RAB3GAP2: variants seen among roughly 807,000 people sequenced by gnomAD.
The protein encoded by RAB3GAP2 is RAB3 GTPase activating non-catalytic protein subunit 2.
Under a neutral mutation model 185.3 loss-of-function variants are expected in RAB3GAP2, and 87 were observed. That is an observed-to-expected ratio of 0.47 (90% CI 0.39 to 0.56). The LOEUF (loss-of-function observed/expected upper bound fraction) is 0.56. RAB3GAP2 is among the 20% of genes least tolerant of loss of function. The probability of loss-of-function intolerance (pLI) is 0.00; values close to 1 mark genes in which losing one functional copy is unlikely to be tolerated. For synonymous variants in RAB3GAP2, 554 were observed against 576.1 expected (o/e 0.96, Z 0.55); for missense variants, 1,492 against 1,638.2 (o/e 0.91, Z 1.54).
chr1:220,174,356 C>T (rs1658247483), intron 21 of RAB3GAP2, among the ~76,000 whole-genome samples: 1 of 152,090 alleles, frequency 6.6e-6, no homozygotes. Flanking sequence ...TACCAGCTCC[C>T]TTTTTACCTC....
chr1:220,227,175 T>C (rs146127036), intron 2 of RAB3GAP2, among the ~76,000 whole-genome samples: 31 of 152,362 alleles, frequency 2.0e-4, no homozygotes, highest in African/African-American at 6.5e-4. Context: ...CAGAAAGATG[T>C]TGGTCTTCTG....
intron 21 of RAB3GAP2, among the ~76,000 whole-genome samples, chr1:220,176,129 G>A (rs1658284477): frequency 6.6e-6 from 1 of 152,102 alleles, no homozygotes; most frequent in Non-Finnish European, 1.5e-5. Context: ...AGAGTCTAGT[G>A]TATAAAGGTA....
chr1:220,202,135 T>C (rs1376163851), intron 9 of RAB3GAP2, 141 bp downstream of exon 9: 1 of 908,466 alleles, frequency 1.1e-6, no homozygotes, highest in Non-Finnish European at 1.5e-6. Flanking sequence ...ACTGCACTCC[T>C]GCCTGGGTGA....
chr1:220,227,676 A>G (rs995840878), intron 2 of RAB3GAP2, among the ~76,000 whole-genome samples: 3 of 152,184 alleles, frequency 2.0e-5, no homozygotes, highest in Admixed American at 2.0e-4. Context: ...ATGCAGAAGA[A>G]AAGTTTACCC....
intron 1 of RAB3GAP2, chr1:220,267,636 T>C: frequency 7.0e-7 from 1 of 1,438,268 alleles, no homozygotes; most frequent in Non-Finnish European, 9.8e-7. Flanking sequence ...GTTTTGGGTG[T>C]TATTCAGTGG....
At chr1:220,211,105 T>A in intron 4 of RAB3GAP2, 103 bp from the exon 5 acceptor site, 5 of 1,124,784 alleles carry the variant, frequency 4.4e-6, no homozygotes, top group Non-Finnish European at 6.6e-6. Context: ...AGATGACTTC[T>A]GTGAACCAGT....
At chr1:220,200,537 C>CT (rs765567067) in intron 9 of RAB3GAP2, 2 of 524,868 alleles carry the variant, frequency 3.8e-6, no homozygotes, top group Admixed American at 4.0e-5. Context: ...TTTATTGTAC[C>CT]TTTTTTCATT....
intron 21 of RAB3GAP2, among the ~76,000 whole-genome samples, chr1:220,180,906 C>A (rs1044946250): frequency 6.6e-6 from 1 of 152,092 alleles, no homozygotes; most frequent in Admixed American, 6.6e-5. Flanking sequence ...CATTCCACAT[C>A]TGTGGATTTA....
intron 2 of RAB3GAP2, among the ~76,000 whole-genome samples, chr1:220,231,119 G>A (rs1659493641): frequency 6.6e-6 from 1 of 152,196 alleles, no homozygotes; most frequent in Non-Finnish European, 1.5e-5. Flanking sequence ...GTTTTCCATT[G>A]CATTTAGAAT....
intron 31 of RAB3GAP2, 137 bp from the exon 32 acceptor site, chr1:220,154,194 T>G (rs1657815165): frequency 1.7e-5 from 22 of 1,257,938 alleles, no homozygotes; most frequent in Non-Finnish European, 2.2e-5. Flanking sequence ...TAGAATAATT[T>G]TTATAACAAT....
At chr1:220,206,215 T>C (rs1231300739) in intron 7 of RAB3GAP2, among the ~76,000 whole-genome samples, 2 of 152,174 alleles carry the variant, frequency 1.3e-5, no homozygotes, top group Non-Finnish European at 2.9e-5. Flanking sequence ...ACCTTTTGTG[T>C]ATGGTGAATA....
chr1:220,179,244 C>CAAAAAAAAAAA (rs71169437), intron 21 of RAB3GAP2, among the ~76,000 whole-genome samples: 28 of 56,712 alleles, frequency 4.9e-4, no homozygotes, highest in Non-Finnish European at 7.2e-4. Flanking sequence ...GAGACTGTCT[C>CAAAAAAAAAAA]AAAAAAAAAA....
intron 2 of RAB3GAP2, among the ~76,000 whole-genome samples, chr1:220,229,118 G>T (rs1659454272): frequency 6.6e-6 from 1 of 152,180 alleles, no homozygotes; most frequent in South Asian, 2.1e-4. Context: ...TAACACTTAT[G>T]CATTCTAACT....
At chr1:220,252,810 A>G (rs574125147) in intron 1 of RAB3GAP2, among the ~76,000 whole-genome samples, 2 of 152,216 alleles carry the variant, frequency 1.3e-5, no homozygotes, top group East Asian at 1.9e-4. Flanking sequence ...ACAGAGAACC[A>G]TGAGTTTTAC....
At chr1:220,252,860 C>G (rs1462014039) in intron 1 of RAB3GAP2, among the ~76,000 whole-genome samples, 1 of 152,146 alleles carries the variant, frequency 6.6e-6, no homozygotes, top group Non-Finnish European at 1.5e-5. Flanking sequence ...GGAAATCTGT[C>G]TGTATATATC....
chr1:220,256,487 C>T (rs1290281087), intron 1 of RAB3GAP2, among the ~76,000 whole-genome samples: 1 of 151,832 alleles, frequency 6.6e-6, no homozygotes, highest in Non-Finnish European at 1.5e-5. Context: ...GCAAAACCTT[C>T]AAGGACCCAC....
intron 21 of RAB3GAP2, among the ~76,000 whole-genome samples, chr1:220,174,019 C>CAAAAAAAAAAA (rs398050108): frequency 3.9e-5 from 2 of 50,956 alleles, no homozygotes; most frequent in Non-Finnish European, 4.0e-5. Flanking sequence ...GACTCTGTCT[C>CAAAAAAAAAAA]AAAAAAAAAA....
chr1:220,210,857 C>T lies in RAB3GAP2; in HGVS notation c.454G>A (p.Asp152Asn), dbSNP rs774600313. The T allele has an allele frequency of 6.2e-7, 1 of 1,613,822 alleles. No individual in the cohort carries two copies. The highest frequency in any genetic ancestry group is 2.2e-5 in the East Asian group (1 of 44,766). Residue 152 changes from aspartate (D) to asparagine (N), a missense_variant, in exon 6 of 35, where the codon GAC becomes AAC. Coordinates refer to ENST00000358951, the MANE Select transcript of RAB3GAP2 (RefSeq NM_012414.4). ...SQKRSSTGRPDWTCIVVGFTS... is the reference protein window; with the variant it reads ...SQKRSSTGRPNWTCIVVGFTS... ...AAACCCACCACAATGCAGGTCCAGT[C>T]AGGACGCCCAGTGGAACTCCTGTTA...
At chr1:220,178,591 G>C (rs1658339009) in intron 21 of RAB3GAP2, among the ~76,000 whole-genome samples, 3 of 152,030 alleles carry the variant, frequency 2.0e-5, no homozygotes, top group Admixed American at 2.0e-4. Context: ...TTAAATACTT[G>C]TTGTAACTAG....
Sources: gnomAD v4.1 joint callset for allele counts (sites outside exome capture counted in the v4.1 genomes callset) on GRCh38, gnomAD v4.1.1 for gene constraint, MANE v1.5 for transcripts, NCBI Gene and HGNC (gene_info 2026-07-23, HGNC 2026-07-21) for gene names.